PIWIL1: variants seen among roughly 807,000 people sequenced by gnomAD.
PIWIL1 encodes the protein piwi-like protein 1.
Under a neutral mutation model 114.4 loss-of-function variants are expected in PIWIL1, and 73 were observed. The observed-to-expected ratio is 0.64, with a 90% CI of 0.53 to 0.78. The LOEUF is 0.78. PIWIL1 is among the 30% of genes least tolerant of loss of function. PIWIL1 has a pLI of 0.00. For missense variants in PIWIL1, 723 were observed against 1,063.1 expected, an observed-to-expected ratio of 0.68 and a Z score of 4.45; for synonymous variants, 375 against 369.0, an observed-to-expected ratio of 1.02 and a Z score of -0.19.
At chr12:130,339,124 C>A (rs774565290) in intron 1 of PIWIL1, among the ~76,000 whole-genome samples, 6 of 152,090 alleles carry the variant, frequency 3.9e-5, no homozygotes, top group African/African-American at 1.2e-4. Flanking sequence ...GCCTTGGGAG[C>A]CGGACGTTGG....
At chr12:130,339,024 C>T (rs1466795405) in intron 1 of PIWIL1, among the ~76,000 whole-genome samples, 1 of 151,974 alleles carries the variant, frequency 6.6e-6, no homozygotes, top group Non-Finnish European at 1.5e-5. Flanking sequence ...TCGGGACCTC[C>T]CGCACTACCC....
intron 13 of PIWIL1, 104 bp from the exon 14 acceptor site, chr12:130,357,377 A>G: frequency 1.2e-6 from 1 of 847,570 alleles, no homozygotes; most frequent in Non-Finnish European, 1.9e-6. Flanking sequence ...GTTTGATTTC[A>G]TGTTTTATAC....
At chr12:130,386,021 A>C in the PIWIL1 span, among the ~76,000 whole-genome samples, 3 of 152,218 alleles carry the variant, frequency 2.0e-5, no homozygotes, top group Admixed American at 1.3e-4. Flanking sequence ...GTTCTTCTGA[A>C]TCTCCCTGTG....
intron 8 of PIWIL1, 29 bp downstream of exon 8, chr12:130,349,465 A>T (rs1280687976): frequency 6.9e-7 from 1 of 1,456,534 alleles, no homozygotes; most frequent in Admixed American, 1.7e-5. Context: ...GTGCACAATA[A>T]TTTTTTGTGA....
the PIWIL1 span, chr12:130,414,220 A>G: frequency 6.2e-7 from 1 of 1,614,170 alleles, no homozygotes; most frequent in Non-Finnish European, 8.5e-7. Context: ...AGAGCCACAA[A>G]GATCCGGGCC....
At chr12:130,424,272 T>C in the PIWIL1 span, 11,284 of 1,231,730 alleles carry the variant, frequency 9.2e-3, 767 homozygotes, top group African/African-American at 0.15. The surrounding 1 kb of genome is among the most constrained non-coding windows in gnomAD (Gnocchi z 9.8). Flanking sequence ...CCAGCCGTGC[T>C]TCCTGGGGGG....
chr12:130,405,709 A>G, the PIWIL1 span, among the ~76,000 whole-genome samples: 1 of 152,138 alleles, frequency 6.6e-6, no homozygotes, highest in Non-Finnish European at 1.5e-5. Context: ...AGCTGCTAAC[A>G]GCAGTTGGCT....
chr12:130,346,565 C>G lies in PIWIL1; in HGVS notation c.512C>G (p.Pro171Arg). 1 of 1,613,164 alleles carries G rather than the reference C, an allele frequency of 6.2e-7. No individual in the cohort carries two copies. Among genetic ancestry groups the G allele is most frequent in the Non-Finnish European group, 8.5e-7 (1 of 1,179,304 alleles). ...TTTGATGGAACGATATTATTTTTACCTAAAAGACTACAGCAAAAGGTTATT... is the reference window on the plus strand; with the variant it reads ...TTTGATGGAACGATATTATTTTTACGTAAAAGACTACAGCAAAAGGTTATT... ...HAFDGTILFL[P>R]KRLQQKVTEV... Residue 171 changes from proline (P) to arginine (R), a missense_variant, in exon 5 of 21, where the codon CCT becomes CGT. Pro to Arg is a moderately radical substitution (Grantham distance 103). Transcript: ENST00000245255.
intron 1 of PIWIL1, among the ~76,000 whole-genome samples, chr12:130,339,064 G>A (rs1380665663): frequency 6.6e-6 from 1 of 152,176 alleles, no homozygotes; most frequent in East Asian, 1.9e-4. Context: ...TCTCTGCGGA[G>A]GGCGAGGGCC....
At chr12:130,384,549 T>C in the PIWIL1 span, among the ~76,000 whole-genome samples, 1 of 152,212 alleles carries the variant, frequency 6.6e-6, no homozygotes. Flanking sequence ...ATGACATACG[T>C]TGAATGGCAC....
In PIWIL1 at chr12:130,354,584, C is replaced by G. The variant is rs1172555704; in HGVS notation, c.1092C>G (p.Ser364Arg). The G allele has an allele frequency of 6.2e-7, 1 of 1,613,888 alleles. No individual in the cohort carries two copies. ...ACTTGAAGCAGCCTGTCTTGGTCAGCCAGCCCAAGAGAAGGCGGGGCCCTG... is the reference window on the plus strand; with the variant it reads ...ACTTGAAGCAGCCTGTCTTGGTCAGGCAGCCCAAGAGAAGGCGGGGCCCTG... ...ITDLKQPVLV[S>R]QPKRRRGPGG... Residue 364 changes from serine (S) to arginine (R), a missense_variant, in exon 10 of 21, where the codon AGC becomes AGG. Ser to Arg is a moderately radical substitution (Grantham distance 110). Around this residue, in one of 8 missense-constraint regions of PIWIL1, gnomAD observed 298 missense variants for 420.8 expected, o/e 0.71. Transcript: ENST00000245255.
At chr12:130,422,094 C>T in the PIWIL1 span, among the ~76,000 whole-genome samples, 2 of 152,150 alleles carry the variant, frequency 1.3e-5, no homozygotes, top group East Asian at 1.9e-4. The surrounding 1 kb of genome is among the most constrained non-coding windows in gnomAD (Gnocchi z 5.2). Context: ...CCCTGAGGCA[C>T]GCTGACATCC....
chr12:130,392,923 G>C, the PIWIL1 span, among the ~76,000 whole-genome samples: 1 of 78,086 alleles, frequency 1.3e-5, no homozygotes, highest in Non-Finnish European at 2.8e-5. Context: ...TCACGTGTCT[G>C]TCAGTTACCT....
chr12:130,391,860 G>A, the PIWIL1 span, among the ~76,000 whole-genome samples: 1 of 152,010 alleles, frequency 6.6e-6, no homozygotes, highest in Non-Finnish European at 1.5e-5. Context: ...AAGGGCCTGT[G>A]ACCACGAGAG....
chr12:130,403,471 T>C, the PIWIL1 span, among the ~76,000 whole-genome samples: 1 of 152,226 alleles, frequency 6.6e-6, no homozygotes, highest in African/African-American at 2.4e-5. Flanking sequence ...AAGCCCATTG[T>C]TTCTACATGT....
At chr12:130,357,228 C>A (rs576190977) in intron 13 of PIWIL1, 123 bp downstream of exon 13, 1 of 781,898 alleles carries the variant, frequency 1.3e-6, no homozygotes, top group Non-Finnish European at 2.0e-6. Context: ...CCCTGTAATG[C>A]AGATAAACAG....
chr12:130,339,661 T>G (rs2072844012), intron 1 of PIWIL1: 1 of 152,190 alleles, frequency 6.6e-6, no homozygotes, highest in African/African-American at 2.4e-5. Flanking sequence ...AAACCAGAGT[T>G]GTGCTGGGAA....
chr12:130,406,113 C>T, the PIWIL1 span: 20 of 1,147,878 alleles, frequency 1.7e-5, no homozygotes, highest in African/African-American at 2.0e-4. Context: ...AAACAAAACA[C>T]ACAAAATAAA....
chr12:130,354,309 TCA>T (rs1338524296), intron 9 of PIWIL1, among the ~76,000 whole-genome samples: 14 of 152,286 alleles, frequency 9.2e-5, no homozygotes, highest in Non-Finnish European at 1.5e-4. Context: ...TCCTGGACCA[TCA>T]CAGTTTTTAG....
Sources: gnomAD v4.1 joint callset for allele counts (sites outside exome capture counted in the v4.1 genomes callset) on GRCh38, gnomAD v4.1.1 for gene constraint, gnomAD v4.1.1 regional missense constraint, Gnocchi (gnomAD v3.1) non-coding constraint, MANE v1.5 for transcripts, NCBI Gene and HGNC (gene_info 2026-07-23, HGNC 2026-07-21) for gene names.